Variants in GTF2A1 observed in about 807,000 individuals in gnomAD.
The protein encoded by GTF2A1 is general transcription factor IIA subunit 1, also known as transcription initiation factor IIA subunit 1.
GTF2A1 carries 12 observed loss-of-function variants against 54.1 expected under a neutral mutation model. The ratio of observed to expected loss-of-function variants is 0.22; its 90% CI spans 0.14 to 0.36. GTF2A1 has a LOEUF of 0.36. Among genes scored for constraint, GTF2A1 ranks in the 10% least tolerant of loss-of-function variants. The pLI is 1.00. For synonymous variants in GTF2A1, 145 were observed against 152.0 expected (o/e 0.95, Z 0.34); for missense variants, 335 against 442.2 (o/e 0.76, Z 2.17).
chr14:81,195,003 A>G (rs1892958363), intron 6 of GTF2A1, among the ~76,000 whole-genome samples: 1 of 152,016 alleles, frequency 6.6e-6, no homozygotes. Flanking sequence ...AGCTGGGCAC[A>G]GTGGTGCGTG....
At chr14:81,185,469 A>G in intron 8 of GTF2A1, 62 bp downstream of exon 8, 2 of 923,076 alleles carry the variant, frequency 2.2e-6, no homozygotes, top group South Asian at 2.7e-5. Context: ...AGGCAGAAAG[A>G]ATAATGTAGG....
At chr14:81,182,241 C>T (rs1355675337) in intron 8 of GTF2A1, among the ~76,000 whole-genome samples, 2 of 152,176 alleles carry the variant, frequency 1.3e-5, no homozygotes, top group Non-Finnish European at 2.9e-5. Flanking sequence ...AGGGTAAAGA[C>T]TGTTGGATTA....
In GTF2A1 at chr14:81,180,142, G is replaced by A. The variant is rs1236886795; in HGVS notation, c.*81C>T. 2 of 616,500 alleles carry A rather than the reference G, an allele frequency of 3.2e-6. No homozygotes were observed. Among genetic ancestry groups the A allele is most frequent in the African/African-American group, 3.8e-5 (2 of 52,492 alleles). The allele number at this position is 616,500 out of a possible 1,614,324, so 38.2% of individuals were successfully genotyped here. On this transcript the variant is annotated 3_prime_UTR_variant, in exon 9 of 9. Transcript: ENST00000553612. ...GACATGCAGAAACGAAGTTTTGGTTGGCATATGCCCCAAGTTTCAAACTGT... is the reference window on the plus strand; with the variant it reads ...GACATGCAGAAACGAAGTTTTGGTTAGCATATGCCCCAAGTTTCAAACTGT...
chr14:81,215,716 A>G (rs1156757677), intron 2 of GTF2A1, among the ~76,000 whole-genome samples: 1 of 152,226 alleles, frequency 6.6e-6, no homozygotes, highest in East Asian at 1.9e-4. Context: ...ACTTTAGAAT[A>G]CAGGTACATT....
At chr14:81,186,793 A>C (rs1892757294) in intron 7 of GTF2A1, among the ~76,000 whole-genome samples, 1 of 151,858 alleles carries the variant, frequency 6.6e-6, no homozygotes, top group African/African-American at 2.4e-5. Flanking sequence ...TACAAAAAAT[A>C]AAAAAAATTA....
At chr14:81,189,542 GCA>G in intron 7 of GTF2A1, among the ~76,000 whole-genome samples, 1 of 152,046 alleles carries the variant, frequency 6.6e-6, no homozygotes, top group African/African-American at 2.4e-5. Flanking sequence ...GAGGTGGCGG[GCA>G]CCTCTAGTCC....
chr14:81,197,250 T>C (rs369771479), intron 5 of GTF2A1, 159 bp downstream of exon 5: 4 of 559,388 alleles, frequency 7.2e-6, no homozygotes, highest in African/African-American at 3.8e-5. Context: ...ATTACAGTTA[T>C]ATGTGTTACA....
Position 81,209,688 on chromosome 14 carries a change from G to T in GTF2A1, c.133-5584C>A, listed in dbSNP as rs558830818. 7.2e-5 allele frequency among the ~76,000 whole-genome samples: 11 copies of T among 152,248 alleles called. No individual in the cohort carries two copies. The South Asian group carries it at 2.3e-3, about 32-fold the overall frequency. On this transcript the variant is annotated intron_variant, in intron 2 of 8. Coordinates refer to ENST00000553612, the MANE Select transcript of GTF2A1 (RefSeq NM_015859.4). ...ATAACTTGTACTCTATTTTCTCACA[G>T]TACCAAATTACTTGGAGGTCCCTGA...
At chr14:81,202,571 A>G in intron 3 of GTF2A1, 1 of 467,232 alleles carries the variant, frequency 2.1e-6, no homozygotes, top group Non-Finnish European at 4.2e-6. Flanking sequence ...TAAGTTCGGC[A>G]TCAATATGGT....
chr14:81,180,366 C>A, intron 8 of GTF2A1, 36 bp from the exon 9 acceptor site: 1 of 900,716 alleles, frequency 1.1e-6, no homozygotes, highest in Non-Finnish European at 1.8e-6. Context: ...TTGAGAGATA[C>A]AATCAGAAAA....
At chr14:81,207,286 TG>T (rs1182797608) in intron 2 of GTF2A1, among the ~76,000 whole-genome samples, 1 of 152,072 alleles carries the variant, frequency 6.6e-6, no homozygotes, top group Non-Finnish European at 1.5e-5. Context: ...AATTGAACCA[TG>T]GGGGCCGGTC....
intron 7 of GTF2A1, among the ~76,000 whole-genome samples, chr14:81,188,199 A>C (rs886306709): frequency 3.3e-5 from 5 of 152,178 alleles, no homozygotes; most frequent in Non-Finnish European, 7.3e-5. Context: ...ACGCTGTTTA[A>C]GAGTTCTTTA....
chr14:81,212,645 A>C (rs1037275689), intron 2 of GTF2A1, among the ~76,000 whole-genome samples: 3 of 152,202 alleles, frequency 2.0e-5, no homozygotes, highest in African/African-American at 7.2e-5. Context: ...AAGTAGGGAG[A>C]GGGGCTAGAG....
intron 2 of GTF2A1, among the ~76,000 whole-genome samples, chr14:81,206,373 T>A (rs878876541): frequency 1.3e-5 from 2 of 152,226 alleles, no homozygotes; most frequent in Admixed American, 1.3e-4. Context: ...AGTAATGTAG[T>A]GACTCAACTC....
At chr14:81,200,201 T>C (rs1046595033) in intron 4 of GTF2A1, among the ~76,000 whole-genome samples, 1 of 152,164 alleles carries the variant, frequency 6.6e-6, no homozygotes, top group Non-Finnish European at 1.5e-5. Flanking sequence ...GCTGGTAATG[T>C]GTAGGAGGAA....
In GTF2A1 at chr14:81,179,053, T is replaced by C. The variant is rs1363398569; in HGVS notation, c.*1170A>G. 1 of 152,224 alleles carries C rather than the reference T, an allele frequency of 6.6e-6. No individual in the cohort carries two copies. Among genetic ancestry groups the C allele is most frequent in the Admixed American group, 6.5e-5 (1 of 15,284 alleles). 9.4% of individuals were successfully genotyped at this position (152,224 alleles called of 1,614,324 possible). ...CTGGAGCCAACGTCTTTATTTTCAA[T>C]GGCCTGGAAGGGCCACCAAATGAAA... On this transcript the variant is annotated 3_prime_UTR_variant, in exon 9 of 9. Transcript: ENST00000553612.
chr14:81,214,446 C>T (rs1595231437), intron 2 of GTF2A1, among the ~76,000 whole-genome samples: 1 of 151,900 alleles, frequency 6.6e-6, no homozygotes, highest in Admixed American at 6.6e-5. Flanking sequence ...GAGATCGAGA[C>T]CATCCTGGCT....
chr14:81,202,560 A>G (rs1893136646), intron 3 of GTF2A1: 1 of 446,378 alleles, frequency 2.2e-6, no homozygotes, highest in Admixed American at 2.8e-5. Context: ...AGGTGTCCAA[A>G]TAAGTTCGGC....
intron 3 of GTF2A1, 92 bp downstream of exon 3, chr14:81,203,808 G>T: frequency 8.8e-7 from 1 of 1,130,430 alleles, no homozygotes; most frequent in Non-Finnish European, 1.3e-6. Context: ...CCCCTTAAAA[G>T]ACAAGATCCA....
Sources: allele counts gnomAD v4.1 joint callset (sites outside exome capture counted in the v4.1 genomes callset), GRCh38; gene constraint gnomAD v4.1.1; transcripts MANE v1.5; gene names NCBI Gene and HGNC (gene_info 2026-07-23, HGNC 2026-07-21).